Variants in GLIS3 observed in about 807,000 individuals in gnomAD.
GLIS3 encodes the protein GLIS family zinc finger 3.
GLIS3 carries 53 observed loss-of-function variants against 78.6 expected under a neutral mutation model. That is an observed-to-expected ratio of 0.67 (90% CI 0.54 to 0.85). GLIS3 has a LOEUF of 0.85. Among genes scored for constraint, GLIS3 ranks in the 40% least tolerant of loss-of-function variants. The probability of loss-of-function intolerance (pLI) is 0.00; values close to 1 mark genes in which losing one functional copy is unlikely to be tolerated. For synonymous variants in GLIS3, 684 were observed against 509.9 expected (o/e 1.34, Z -4.60); for missense variants, 1,703 against 1,231.1 (o/e 1.38, Z -5.74).
At chr9:3,990,993 T>C (rs1375782422) in intron 4 of GLIS3, among the ~76,000 whole-genome samples, 2 of 152,192 alleles carry the variant, frequency 1.3e-5, no homozygotes, top group African/African-American at 2.4e-5. Flanking sequence ...ATCAGATTGA[T>C]GTTTCTGATG....
the GLIS3 span, among the ~76,000 whole-genome samples, chr9:4,470,784 T>G: frequency 1.7e-3 from 257 of 150,476 alleles, 1 homozygote; most frequent in African/African-American, 5.0e-3. Context: ...AAATAAAGGG[T>G]ATTCAATTAG....
chr9:4,361,326 T>G, the GLIS3 span, among the ~76,000 whole-genome samples: 1 of 152,240 alleles, frequency 6.6e-6, no homozygotes, highest in South Asian at 2.1e-4. Flanking sequence ...AAGGTCCCTG[T>G]GAGATTGGCT....
At chr9:3,935,042 T>C (rs1825815808) in intron 5 of GLIS3, among the ~76,000 whole-genome samples, 2 of 152,220 alleles carry the variant, frequency 1.3e-5, no homozygotes, top group African/African-American at 4.8e-5. Context: ...CAGTAATGTT[T>C]ATGGGAAAAC....
intron 9 of GLIS3, among the ~76,000 whole-genome samples, chr9:3,839,091 T>C (rs1818556028): frequency 6.6e-6 from 1 of 152,212 alleles, no homozygotes; most frequent in Non-Finnish European, 1.5e-5. Flanking sequence ...AAATTTCTTC[T>C]TAAGTAGCCT....
At chr9:4,140,420 C>G (rs1351257543) in intron 2 of GLIS3, among the ~76,000 whole-genome samples, 1 of 152,192 alleles carries the variant, frequency 6.6e-6, no homozygotes, top group Non-Finnish European at 1.5e-5. Flanking sequence ...AAGACACATT[C>G]TCTATCATAA....
chr9:3,996,401 T>C (rs1302990195), intron 4 of GLIS3, among the ~76,000 whole-genome samples: 1 of 152,162 alleles, frequency 6.6e-6, no homozygotes, highest in Non-Finnish European at 1.5e-5. Context: ...TCAAAATAGA[T>C]AGATAGATTC....
At position 3,991,683 on chromosome 9, in the gene GLIS3, A is replaced by AATT. The variant is rs1265317427; in HGVS notation, c.1711-54495_1711-54494insAAT. ...GTTCAGAATTTCATTAAGTAGGCTG[A>AATT]TTTTTTTTTTTTTTTTTTTTTTTTT... is the stretch of plus-strand genomic sequence containing the variant. On this transcript the variant is annotated intron_variant, in intron 4 of 10. Coordinates refer to ENST00000381971, the MANE Select transcript of GLIS3 (RefSeq NM_001042413.2). Among the ~76,000 whole-genome samples, 64 of 87,898 alleles carry AATT rather than the reference A, an allele frequency of 7.3e-4. 4 individuals carry two copies. In the East Asian group the frequency reaches 7.5e-3, roughly 10 times the overall value. The allele number at this position is 87,898 out of a possible 152,430, so 57.7% of individuals were successfully genotyped here. A position where few individuals can be genotyped will look rare whatever the true frequency, so the allele number is the denominator to read the frequency against.
intron 4 of GLIS3, among the ~76,000 whole-genome samples, chr9:4,056,378 T>A (rs1302099231): frequency 1.3e-5 from 2 of 152,236 alleles, no homozygotes; most frequent in Admixed American, 6.5e-5. Context: ...CTACTAGTTT[T>A]AACAGTGGCT....
chr9:4,472,833 T>C, the GLIS3 span, among the ~76,000 whole-genome samples: 1 of 152,192 alleles, frequency 6.6e-6, no homozygotes, highest in African/African-American at 2.4e-5. Context: ...TTATATATAA[T>C]TATTGATATT....
rs1563752731 is a variant in GLIS3, at chr9:3,828,084, A to G, written c.*188T>C. ...TCCAGGAAAACCAGAGAGAAAAAGG[A>G]GCAACTGTAATGATTCCTGCAAAGC... On this transcript the variant is annotated 3_prime_UTR_variant, in exon 11 of 11. Coordinates refer to ENST00000381971, the MANE Select transcript of GLIS3 (RefSeq NM_001042413.2). The G allele has an allele frequency of 1.5e-6, 1 of 648,366 alleles. No individual in the cohort carries two copies. The highest frequency in any genetic ancestry group is 2.8e-5 in the East Asian group (1 of 36,326). The allele number at this position is 648,366 out of a possible 1,614,324, so 40.2% of individuals were successfully genotyped here. A position where few individuals can be genotyped will look rare whatever the true frequency, so the allele number is the denominator to read the frequency against.
At position 4,117,923 on chromosome 9, in the gene GLIS3, G is replaced by C. The variant is rs2063093613; in HGVS notation, c.1555C>G (p.Arg519Gly). 6 of 1,614,128 alleles carry C rather than the reference G, an allele frequency of 3.7e-6. No individual in the cohort carries two copies. The highest frequency in any genetic ancestry group is 5.1e-6 in the Non-Finnish European group (6 of 1,180,034). Residue 519 changes from arginine (R) to glycine (G), a missense_variant, in exon 4 of 11, where the codon CGG (arginine) becomes GGG (glycine). Physicochemically the swap from Arg to Gly is moderately radical, Grantham distance 125. Coordinates refer to ENST00000381971, the MANE Select transcript of GLIS3 (RefSeq NM_001042413.2). Reference protein sequence around the residue: ...ALYDQQEELVRHIEKVHIDQR... With the variant: ...ALYDQQEELVGHIEKVHIDQR... Reference sequence around the variant, plus strand: ...TCGATGTGGACCTTCTCGATGTGCCGCACGAGCTCCTCCTGCTGGTCGTAC... The same window carrying C: ...TCGATGTGGACCTTCTCGATGTGCCCCACGAGCTCCTCCTGCTGGTCGTAC...
chr9:4,248,707 A>C (rs1824054106), intron 2 of GLIS3, among the ~76,000 whole-genome samples: 1 of 152,212 alleles, frequency 6.6e-6, no homozygotes, highest in Non-Finnish European at 1.5e-5. Flanking sequence ...TCCCACCAAC[A>C]GTGTAAAAGC....
At chr9:4,303,114 GCT>G (rs1817134939), upstream of GLIS3, among the ~76,000 whole-genome samples, 1 of 102,504 alleles carries the variant, frequency 9.8e-6, no homozygotes, top group South Asian at 5.5e-4. Flanking sequence ...CACCCTGAGT[GCT>G]CTGACAGTAA....
intron 6 of GLIS3, among the ~76,000 whole-genome samples, chr9:3,928,924 A>G (rs1051019961): frequency 4.6e-5 from 7 of 152,332 alleles, no homozygotes; most frequent in African/African-American, 1.4e-4. Context: ...GTCCATTTCG[A>G]TATCAGTCTA....
chr9:3,973,061 C>T (rs1258136147), intron 4 of GLIS3, among the ~76,000 whole-genome samples: 1 of 152,180 alleles, frequency 6.6e-6, no homozygotes, highest in Non-Finnish European at 1.5e-5. Flanking sequence ...ACAGAACTCA[C>T]TGAAGCTATC....
intron 2 of GLIS3, among the ~76,000 whole-genome samples, chr9:4,319,625 G>T (rs1287650960): frequency 6.6e-6 from 1 of 151,950 alleles, no homozygotes; most frequent in Non-Finnish European, 1.5e-5. Context: ...AAACTCCTGG[G>T]CTCAAGTGAT....
intron 5 of GLIS3, among the ~76,000 whole-genome samples, chr9:3,933,883 A>G (rs553377240): frequency 2.6e-4 from 39 of 152,324 alleles, no homozygotes; most frequent in African/African-American, 9.4e-4. Flanking sequence ...ACAAGATTAA[A>G]TCATGAACAT....
intron 2 of GLIS3, among the ~76,000 whole-genome samples, chr9:4,237,508 T>A (rs1375991729): frequency 2.6e-5 from 4 of 152,234 alleles, no homozygotes; most frequent in Non-Finnish European, 5.9e-5. Flanking sequence ...TACTGAGCCC[T>A]AGGGCATGGC....
intron 2 of GLIS3, among the ~76,000 whole-genome samples, chr9:4,167,969 G>C (rs1816019038): frequency 6.6e-6 from 1 of 152,188 alleles, no homozygotes; most frequent in African/African-American, 2.4e-5. Flanking sequence ...CTAAGGGCCA[G>C]CTGCAAGGAG....
Sources: gnomAD v4.1 joint callset for allele counts (sites outside exome capture counted in the v4.1 genomes callset) on GRCh38, gnomAD v4.1.1 for gene constraint, MANE v1.5 for transcripts, NCBI Gene and HGNC (gene_info 2026-07-23, HGNC 2026-07-21) for gene names.